FAM131C: variants seen among roughly 807,000 people sequenced by gnomAD.
FAM131C encodes the protein protein FAM131C.
Under a neutral mutation model 29.8 loss-of-function variants are expected in FAM131C, and 14 were observed. The observed-to-expected ratio is 0.47, with a 90% CI of 0.31 to 0.73. The LOEUF is 0.73. FAM131C is among the 30% of genes least tolerant of loss of function. The pLI, the probability that FAM131C is intolerant of heterozygous loss-of-function variation, is 0.05. For missense variants in FAM131C, 252 were observed against 383.8 expected (o/e 0.66, Z 2.87); for synonymous variants, 86 against 157.8 (o/e 0.54, Z 3.41).
intron 1 of FAM131C, among the ~76,000 whole-genome samples, chr1:16,073,131 G>A (rs888424151): frequency 3.3e-5 from 5 of 152,078 alleles, no homozygotes; most frequent in Admixed American, 6.5e-5. Flanking sequence ...CCGGCAGGGG[G>A]TGTGTGGCTG....
chr1:16,060,794 A>G (rs1384179451), intron 4 of FAM131C, among the ~76,000 whole-genome samples: 1 of 152,180 alleles, frequency 6.6e-6, no homozygotes, highest in Non-Finnish European at 1.5e-5. Flanking sequence ...AACCAGGTGG[A>G]GGGCTCAGAT....
At chr1:16,061,417 A>G (rs1444310299) in intron 4 of FAM131C, among the ~76,000 whole-genome samples, 1 of 152,084 alleles carries the variant, frequency 6.6e-6, no homozygotes, top group Non-Finnish European at 1.5e-5. Flanking sequence ...AACCTGCTCT[A>G]CAGGCCTGGG....
rs1406930138 is a variant in FAM131C, at chr1:16,073,402, C to A, written c.22+19G>T. 3 of 1,205,714 alleles carry A rather than the reference C, an allele frequency of 2.5e-6. No homozygotes were observed. Among genetic ancestry groups the A allele is most frequent in the South Asian group, 4.2e-5 (1 of 23,966 alleles). The allele number at this position is 1,205,714 out of a possible 1,614,324, so 74.7% of individuals were successfully genotyped here. A position where few individuals can be genotyped will look rare whatever the true frequency, so the allele number is the denominator to read the frequency against. ...GTCCCCGGCACCCGATCCCCCCGCC[C>A]CCGGCCGGGCCCCCTCACCTCGCGA... On this transcript the variant is annotated intron_variant, in intron 1 of 6. Transcript: ENST00000375662.
intron 1 of FAM131C, among the ~76,000 whole-genome samples, chr1:16,070,049 C>G (rs1202593461): frequency 6.6e-6 from 1 of 152,154 alleles, no homozygotes; most frequent in Non-Finnish European, 1.5e-5. Flanking sequence ...AAGCGTGAGC[C>G]ATAGCACCTC....
At position 16,057,919 on chromosome 1, in the gene FAM131C, C is replaced by A. The variant is rs1260181612; in HGVS notation, c.*518G>T. On this transcript the variant is annotated 3_prime_UTR_variant, in exon 7 of 7. Transcript: ENST00000375662. ...AGGGAGGGACAGACAGACAGACACT[C>A]CAGAGAGACAGATGTCCTGGGTGAA... 1 of 157,858 alleles carries A rather than the reference C, an allele frequency of 6.3e-6. No homozygotes were observed. The highest frequency in any genetic ancestry group is 1.9e-4 in the South Asian group (1 of 5,398). 9.8% of individuals were successfully genotyped at this position (157,858 alleles called of 1,614,324 possible).
Position 16,059,956 on chromosome 1 carries a change from G to A in FAM131C, c.364C>T (p.Gln122Ter). Residue 122 changes from glutamine to a stop codon, truncating the protein, a stop_gained, in exon 5 of 7, where the codon CAG becomes TAG. Transcript: ENST00000375662. LOFTEE classifies it high-confidence loss of function. ...HLIEWKGWSA[Q>*]PAGWELSPAE... is the part of the protein sequence containing the mutation. The stretch of plus-strand genomic sequence containing the variant: ...GGGGACAGCTCCCAGCCTGCCGGCT[G>A]GGCACTCCAGCCCTTCCACTCGATG... 1.3e-6 allele frequency: 2 copies of A among 1,588,462 alleles called. No homozygotes were observed. Among genetic ancestry groups the A allele is most frequent in the Non-Finnish European group, 1.7e-6 (2 of 1,167,820 alleles).
chr1:16,061,440 G>A (rs1161920546), intron 4 of FAM131C, among the ~76,000 whole-genome samples: 1 of 152,102 alleles, frequency 6.6e-6, no homozygotes, highest in Non-Finnish European at 1.5e-5. Flanking sequence ...CCCATGCCCA[G>A]CTGCTTCAGG....
At chr1:16,066,410 G>A (rs1268945740) in intron 1 of FAM131C, among the ~76,000 whole-genome samples, 2 of 152,190 alleles carry the variant, frequency 1.3e-5, no homozygotes, top group East Asian at 1.9e-4. Flanking sequence ...TGAGCCGTGC[G>A]CCTGCACACC....
At position 16,062,616 on chromosome 1, in the gene FAM131C, G is replaced by A. The variant is rs368371314; in HGVS notation, c.139-82C>T. On this transcript the variant is annotated intron_variant, in intron 2 of 6. Coordinates refer to ENST00000375662, the MANE Select transcript of FAM131C (RefSeq NM_182623.3). ...GGCCCGAGTCCTGGGGCCCTGGGTG[G>A]GGGTGGGGGTCAGCCTTCTTCTGGT... 5,138 of 1,431,102 alleles carry A rather than the reference G, an allele frequency of 3.6e-3. 3 individuals carry two copies. Among genetic ancestry groups the A allele is most frequent in the Middle Eastern group, 0.015 (60 of 3,980 alleles). The allele number at this position is 1,431,102 out of a possible 1,614,324, so 88.7% of individuals were successfully genotyped here. A position where few individuals can be genotyped will look rare whatever the true frequency, so the allele number is the denominator to read the frequency against.
At chr1:16,060,969 T>G (rs2023584188) in intron 4 of FAM131C, among the ~76,000 whole-genome samples, 1 of 151,816 alleles carries the variant, frequency 6.6e-6, no homozygotes. Context: ...GTCGGGGGCT[T>G]TGGGAGTAGA....
chr1:16,063,973 C>T (rs996796640), intron 1 of FAM131C, among the ~76,000 whole-genome samples: 4 of 152,098 alleles, frequency 2.6e-5, no homozygotes, highest in Admixed American at 1.3e-4. Flanking sequence ...GCTCCTGGCC[C>T]GGCTGACACC....
chr1:16,062,450 G>A (rs773093197), intron 3 of FAM131C, 49 bp downstream of exon 3: 13 of 1,569,188 alleles, frequency 8.3e-6, no homozygotes, highest in Middle Eastern at 2.3e-4. Context: ...TGGAGGGGCC[G>A]TGGTGTCAGC....
chr1:16,067,457 G>C (rs10803417), intron 1 of FAM131C, among the ~76,000 whole-genome samples: 38,169 of 151,998 alleles, frequency 0.25, 5,795 homozygotes, highest in African/African-American at 0.41. Flanking sequence ...CCACACCCTA[G>C]TCTCCTGACC....
At chr1:16,067,028 G>A (rs1222573223) in intron 1 of FAM131C, among the ~76,000 whole-genome samples, 2 of 152,178 alleles carry the variant, frequency 1.3e-5, no homozygotes, top group Admixed American at 6.5e-5. Flanking sequence ...GAGGGGAGCC[G>A]GGCACAGAGG....
rs1463379859 is a variant in FAM131C, at chr1:16,062,081, G to T, written c.268+18C>A. On this transcript the variant is annotated intron_variant, in intron 4 of 6. Transcript: ENST00000375662. Reference sequence around the variant, plus strand: ...CCGTGCATTCTCCACCGGCAGGAGAGTTGCGGCCAGAACCTACCCACAAGG... The same window carrying T: ...CCGTGCATTCTCCACCGGCAGGAGATTTGCGGCCAGAACCTACCCACAAGG... The T allele has an allele frequency of 2.5e-6, 4 of 1,609,448 alleles. No individual in the cohort carries two copies. The highest frequency in any genetic ancestry group is 8.5e-7 in the Non-Finnish European group (1 of 1,178,400).
chr1:16,066,741 G>C (rs1255945385), intron 1 of FAM131C, among the ~76,000 whole-genome samples: 2 of 152,232 alleles, frequency 1.3e-5, no homozygotes, highest in African/African-American at 4.8e-5. Context: ...AACACACACA[G>C]AGTAAAAATT....
rs562181641 is a variant in FAM131C at position 16,065,986 on chromosome 1, G to A, written c.23-2350C>T. 4.6e-5 allele frequency among the ~76,000 whole-genome samples: 7 copies of A among 151,704 alleles called. No homozygotes were observed. In the South Asian group the frequency reaches 1.5e-3, roughly 32 times the overall value. The stretch of plus-strand genomic sequence containing the variant: ...GTGATCTCGACTCACTCTAACCTCC[G>A]CCTCCCAGATTCAAGCGATTCTCCT... On this transcript the variant is annotated intron_variant, in intron 1 of 6. Transcript: ENST00000375662.
chr1:16,063,305 T>A (rs75473310), intron 2 of FAM131C, among the ~76,000 whole-genome samples: 5,725 of 149,902 alleles, frequency 0.038, 131 homozygotes, highest in African/African-American at 0.057. Flanking sequence ...TTCAGGGTGG[T>A]TGGTCTTCTA....
At chr1:16,073,363 A>G in intron 1 of FAM131C, 58 bp downstream of exon 1, 2 of 1,003,354 alleles carry the variant, frequency 2.0e-6, no homozygotes, top group Non-Finnish European at 2.5e-6. Flanking sequence ...CCGAGCGGCG[A>G]GGGGACTGCG....
Sources: gnomAD v4.1 joint callset for allele counts (sites outside exome capture counted in the v4.1 genomes callset) on GRCh38, gnomAD v4.1.1 for gene constraint, MANE v1.5 for transcripts, NCBI Gene and HGNC (gene_info 2026-07-23, HGNC 2026-07-21) for gene names.